PDE10A: variants seen among roughly 807,000 people sequenced by gnomAD.
PDE10A encodes the protein phosphodiesterase 10A, also known as cAMP and cAMP-inhibited cGMP 3',5'-cyclic phosphodiesterase 10A.
PDE10A carries 39 observed loss-of-function variants against 97.7 expected under a neutral mutation model. The ratio of observed to expected loss-of-function variants is 0.40; its 90% CI spans 0.31 to 0.52. PDE10A has a LOEUF of 0.52. Ranked by LOEUF, PDE10A falls within the 20% of genes least tolerant of loss-of-function variation. The probability of loss-of-function intolerance (pLI) is 0.56; values close to 1 mark genes in which losing one functional copy is unlikely to be tolerated. For synonymous variants in PDE10A, 371 were observed against 376.8 expected, an observed-to-expected ratio of 0.98 and a Z score of 0.18; for missense variants, 731 against 1,047.8, an observed-to-expected ratio of 0.70 and a Z score of 4.17.
intron 1 of PDE10A, among the ~76,000 whole-genome samples, chr6:165,706,517 C>G (rs1413444563): frequency 6.6e-6 from 1 of 152,126 alleles, no homozygotes; most frequent in Admixed American, 6.5e-5. Flanking sequence ...AGAATTGAAC[C>G]AAAGTCAGTC....
At chr6:165,517,869 C>A (rs10946076) in intron 2 of PDE10A, among the ~76,000 whole-genome samples, 59,930 of 152,014 alleles carry the variant, frequency 0.39, 14,055 homozygotes, top group South Asian at 0.6. Context: ...TTAATATATT[C>A]AGGTTGAGTT....
intron 18 of PDE10A, among the ~76,000 whole-genome samples, chr6:165,377,320 A>G (rs1296780237): frequency 2.0e-5 from 3 of 152,164 alleles, no homozygotes; most frequent in Admixed American, 6.5e-5. Context: ...AGATGACATT[A>G]CAGGAAATAG....
chr6:165,851,042 A>G (rs368443247), intron 1 of PDE10A, among the ~76,000 whole-genome samples: 4 of 152,374 alleles, frequency 2.6e-5, no homozygotes, highest in African/African-American at 9.6e-5. Flanking sequence ...GGAAGGGAAC[A>G]GGTAGAATCA....
At chr6:165,532,101 CG>C (rs1782814510) in intron 2 of PDE10A, among the ~76,000 whole-genome samples, 1 of 152,028 alleles carries the variant, frequency 6.6e-6, no homozygotes, top group Non-Finnish European at 1.5e-5. Flanking sequence ...GCTAGCCAAC[CG>C]GCTTTACACT....
At chr6:165,796,279 G>A (rs965506385) in intron 1 of PDE10A, among the ~76,000 whole-genome samples, 2 of 151,694 alleles carry the variant, frequency 1.3e-5, no homozygotes, top group Non-Finnish European at 2.9e-5. Context: ...GTAGAGATGG[G>A]GTTTCACCGT....
intron 1 of PDE10A, among the ~76,000 whole-genome samples, chr6:165,579,888 C>A (rs569829920): frequency 6.6e-6 from 1 of 152,196 alleles, no homozygotes; most frequent in South Asian, 2.1e-4. Context: ...ACACCTCCTG[C>A]GAGCTATTGT....
At chr6:165,559,280 T>A (rs1036323752) in intron 1 of PDE10A, among the ~76,000 whole-genome samples, 2 of 152,166 alleles carry the variant, frequency 1.3e-5, no homozygotes, top group African/African-American at 4.8e-5. Context: ...AATAAAAATG[T>A]GCAGCCAAAA....
chr6:165,477,220 T>C (rs1779343696), intron 3 of PDE10A, among the ~76,000 whole-genome samples: 1 of 152,160 alleles, frequency 6.6e-6, no homozygotes, highest in South Asian at 2.1e-4. Context: ...GCCTTTGCAC[T>C]TCCTGTACCA....
At chr6:165,435,916 T>C (rs1430393795) in intron 5 of PDE10A, among the ~76,000 whole-genome samples, 3 of 152,198 alleles carry the variant, frequency 2.0e-5, no homozygotes, top group Non-Finnish European at 2.9e-5. Context: ...GATGAAAAAT[T>C]TGCTGTTCTC....
chr6:165,789,865 A>G (rs1012464574), intron 1 of PDE10A, among the ~76,000 whole-genome samples: 5 of 152,168 alleles, frequency 3.3e-5, no homozygotes, highest in Admixed American at 1.3e-4. Context: ...GGTCACTATA[A>G]TATTGATAGT....
chr6:165,631,298 G>A (rs1011381110), intron 1 of PDE10A, among the ~76,000 whole-genome samples: 3 of 152,132 alleles, frequency 2.0e-5, no homozygotes, highest in Non-Finnish European at 4.4e-5. Context: ...AGTGAGAATT[G>A]TTATACACAC....
chr6:165,572,889 A>G (rs150754237), intron 1 of PDE10A, among the ~76,000 whole-genome samples: 71 of 152,328 alleles, frequency 4.7e-4, no homozygotes, highest in African/African-American at 1.7e-3. Flanking sequence ...AGTATGTCTC[A>G]CCATTCTGTA....
chr6:165,792,389 G>A (rs1227019730), intron 1 of PDE10A, among the ~76,000 whole-genome samples: 6 of 152,104 alleles, frequency 3.9e-5, no homozygotes, highest in Non-Finnish European at 8.8e-5. Flanking sequence ...CACCGCCCTG[G>A]GCAGGTGCTC....
At chr6:165,715,188 G>A (rs979908186) in intron 1 of PDE10A, among the ~76,000 whole-genome samples, 11 of 152,374 alleles carry the variant, frequency 7.2e-5, no homozygotes, top group African/African-American at 2.6e-4. Context: ...CACCCAGACG[G>A]GCCTGCGCCC....
intron 1 of PDE10A, among the ~76,000 whole-genome samples, chr6:165,855,394 G>A (rs545953369): frequency 3.3e-5 from 5 of 151,188 alleles, no homozygotes; most frequent in Admixed American, 3.3e-4. Context: ...TGGTCAGGCC[G>A]CGGACTGTGG....
intron 5 of PDE10A, among the ~76,000 whole-genome samples, chr6:165,441,080 A>G (rs771821710): frequency 2.7e-4 from 41 of 152,192 alleles, no homozygotes; most frequent in Admixed American, 5.2e-4. Context: ...AGGATACAAC[A>G]TAAGTTGTTT....
chr6:165,344,026 A>T (rs1782143339), intron 18 of PDE10A, among the ~76,000 whole-genome samples: 1 of 152,210 alleles, frequency 6.6e-6, no homozygotes, highest in Non-Finnish European at 1.5e-5. Flanking sequence ...CTCCCCGTGC[A>T]AGTGTGTGAG....
At chr6:165,522,942 A>G (rs956078225) in intron 2 of PDE10A, among the ~76,000 whole-genome samples, 3 of 152,130 alleles carry the variant, frequency 2.0e-5, no homozygotes, top group Admixed American at 6.5e-5. Context: ...TACAAAATAA[A>G]TGTACAAAAA....
At chr6:165,839,591 T>G (rs1780157911) in intron 1 of PDE10A, among the ~76,000 whole-genome samples, 2 of 152,104 alleles carry the variant, frequency 1.3e-5, no homozygotes, top group Admixed American at 1.3e-4. Flanking sequence ...GGAATTGAAA[T>G]AGCTTCCTCA....
Sources: allele counts gnomAD v4.1 joint callset (sites outside exome capture counted in the v4.1 genomes callset), GRCh38; gene constraint gnomAD v4.1.1; transcripts MANE v1.5; gene names NCBI Gene and HGNC (gene_info 2026-07-23, HGNC 2026-07-21).